The following TRPM3 variants were observed in gnomAD, a reference collection of about 807,000 sequenced individuals.
TRPM3 encodes the protein long transient receptor potential channel 3.
Under a neutral mutation model 181.2 loss-of-function variants are expected in TRPM3, and 77 were observed. That is an observed-to-expected ratio of 0.42 (90% CI 0.35 to 0.51). TRPM3 has a LOEUF of 0.51. TRPM3 is among the 20% of genes least tolerant of loss of function. The pLI, the probability that TRPM3 is intolerant of heterozygous loss-of-function variation, is 0.01. For missense variants in TRPM3, 1,759 were observed against 2,196.7 expected, an observed-to-expected ratio of 0.80 and a Z score of 3.98; for synonymous variants, 745 against 796.4, an observed-to-expected ratio of 0.94 and a Z score of 1.09.
intron 2 of TRPM3, among the ~76,000 whole-genome samples, chr9:70,863,322 C>T (rs2095566783): frequency 6.6e-6 from 1 of 152,112 alleles, no homozygotes; most frequent in Non-Finnish European, 1.5e-5. Context: ...TACCCATTTT[C>T]CTTTAGCTGT....
intron 1 of TRPM3, among the ~76,000 whole-genome samples, chr9:71,309,367 T>C (rs528879257): frequency 6.6e-6 from 1 of 152,328 alleles, no homozygotes; most frequent in Admixed American, 6.5e-5. Context: ...GCATGTCTAA[T>C]ATTTTTTCCA....
At chr9:71,273,850 T>G (rs1031196200) in intron 1 of TRPM3, among the ~76,000 whole-genome samples, 4 of 152,192 alleles carry the variant, frequency 2.6e-5, no homozygotes, top group Admixed American at 2.6e-4. Flanking sequence ...ATCTCCATAT[T>G]GGTAACTTCA....
At chr9:71,083,317 A>C (rs1024365769) in intron 1 of TRPM3, among the ~76,000 whole-genome samples, 4 of 152,122 alleles carry the variant, frequency 2.6e-5, no homozygotes, top group African/African-American at 9.7e-5. Context: ...ACAACATCAC[A>C]GTGGGAAAAT....
intron 1 of TRPM3, among the ~76,000 whole-genome samples, chr9:71,233,553 T>C (rs974366327): frequency 9.9e-5 from 15 of 152,186 alleles, no homozygotes; most frequent in Admixed American, 7.2e-4. Flanking sequence ...CATTATCTTA[T>C]ACAATATTCT....
intron 1 of TRPM3, among the ~76,000 whole-genome samples, chr9:71,216,228 T>C (rs1227593470): frequency 1.4e-5 from 2 of 145,580 alleles, no homozygotes; most frequent in Non-Finnish European, 3.0e-5. Context: ...TAAATAGGCT[T>C]CTAACTAATG....
intron 9 of TRPM3, among the ~76,000 whole-genome samples, chr9:70,651,361 C>G (rs1413783381): frequency 2.6e-5 from 4 of 151,974 alleles, no homozygotes; most frequent in Admixed American, 6.6e-5. Flanking sequence ...TTAAAAGGGC[C>G]CAGGATAGCA....
intron 1 of TRPM3, among the ~76,000 whole-genome samples, chr9:71,376,664 A>G (rs1320363611): frequency 6.6e-6 from 1 of 152,090 alleles, no homozygotes. Flanking sequence ...CAATACAGTC[A>G]TAATTCCTTT....
At chr9:70,691,501 A>G (rs1325897223) in intron 8 of TRPM3, among the ~76,000 whole-genome samples, 1 of 152,086 alleles carries the variant, frequency 6.6e-6, no homozygotes, top group African/African-American at 2.4e-5. Context: ...TCAACTCCAT[A>G]CTCTCCCAAG....
intron 1 of TRPM3, among the ~76,000 whole-genome samples, chr9:71,420,735 G>A (rs12378364): frequency 6.9e-4 from 39 of 56,616 alleles, no homozygotes; most frequent in African/African-American, 2.2e-3. Flanking sequence ...GAGAGAGAGA[G>A]AAAGAGAGAG....
chr9:71,003,270 T>C (rs1227352709), intron 1 of TRPM3, among the ~76,000 whole-genome samples: 1 of 152,066 alleles, frequency 6.6e-6, no homozygotes, highest in African/African-American at 2.4e-5. Context: ...TTTCCCCATT[T>C]TCTGTGTGCC....
chr9:71,213,323 C>T (rs571217831), intron 1 of TRPM3, among the ~76,000 whole-genome samples: 1 of 151,904 alleles, frequency 6.6e-6, no homozygotes, highest in Non-Finnish European at 1.5e-5. Flanking sequence ...ATTTTAAATA[C>T]CATCCCAGTT....
At chr9:70,574,101 C>A (rs1229498726) in intron 22 of TRPM3, among the ~76,000 whole-genome samples, 2 of 151,936 alleles carry the variant, frequency 1.3e-5, no homozygotes, top group Admixed American at 1.3e-4. Flanking sequence ...CGCACACACA[C>A]ACACACACAC....
chr9:70,660,173 G>A (rs1468249450), intron 9 of TRPM3, among the ~76,000 whole-genome samples: 1 of 152,062 alleles, frequency 6.6e-6, no homozygotes, highest in Non-Finnish European at 1.5e-5. Context: ...AAAGAAAAGG[G>A]GGAGTATGTC....
intron 1 of TRPM3, among the ~76,000 whole-genome samples, chr9:71,051,432 T>C (rs1316029565): frequency 1.3e-5 from 2 of 152,088 alleles, no homozygotes; most frequent in African/African-American, 2.4e-5. Flanking sequence ...CTGAGTCTCA[T>C]AGAGGTAGCC....
At position 71,119,540 on chromosome 9, in the gene TRPM3, T is replaced by TA. The variant is rs61066146; in HGVS notation, c.177+1637dup. Among the ~76,000 whole-genome samples the TA allele has an allele frequency of 6.2e-4, 94 of 151,632 alleles. 1 individual carries two copies. In the Middle Eastern group the frequency reaches 0.014, roughly 22 times the overall value. On this transcript the variant is annotated intron_variant, in intron 1 of 25. Transcript: ENST00000677713. ...TAGTAAATGAATAACATTCTCCATT[T>TA]AAAAAAAAACTAGCATATTAATTAA...
intron 6 of TRPM3, among the ~76,000 whole-genome samples, chr9:70,799,100 A>C (rs1172719291): frequency 6.6e-6 from 1 of 152,244 alleles, no homozygotes; most frequent in Non-Finnish European, 1.5e-5. Context: ...AGAAAACATT[A>C]ACAAAGGTTT....
In TRPM3 at chr9:70,784,247, T is replaced by C. The variant is rs747937585; in HGVS notation, c.1006A>G (p.Ile336Val). ...IGQGVPVVAL[I>V]VEGGPNVISI... ...ATCACATTGGGTCCTCCTTCCACTA[T>C]GAGTGCCACCACAGGAACACCTTGA... Residue 336 changes from isoleucine to valine, a missense_variant, in exon 7 of 26, where the codon ATA (isoleucine) becomes GTA (valine). Physicochemically the swap from Ile to Val is conservative, Grantham distance 29. Around this residue, in one of 8 missense-constraint regions of TRPM3, gnomAD observed 737 missense variants for 957.4 expected, o/e 0.77. Coordinates refer to ENST00000677713, the MANE Select transcript of TRPM3 (RefSeq NM_001366145.2). The C allele has an allele frequency of 1.2e-5, 20 of 1,612,328 alleles. No homozygotes were observed. Among genetic ancestry groups the C allele is most frequent in the Non-Finnish European group, 1.7e-5 (20 of 1,179,104 alleles).
chr9:71,001,593 T>A (rs1275370693), intron 1 of TRPM3, among the ~76,000 whole-genome samples: 1 of 152,102 alleles, frequency 6.6e-6, no homozygotes, highest in Non-Finnish European at 1.5e-5. Context: ...AACAGAGACA[T>A]TGTGAAAAAG....
chr9:71,046,648 A>G lies in TRPM3; in HGVS notation c.177+74530T>C, dbSNP rs2059474003. Among the ~76,000 whole-genome samples, 7 of 152,180 alleles carry G rather than the reference A, an allele frequency of 4.6e-5. No homozygotes were observed. In the South Asian group the frequency reaches 1.4e-3, roughly 32 times the overall value. On this transcript the variant is annotated intron_variant, in intron 1 of 25. Transcript: ENST00000677713. ...TCCTTCCCTATTGTCACTTATTGAG[A>G]TATTTTTTTCCTGGAGGAATCTTCT... is the stretch of plus-strand genomic sequence containing the variant.
Sources: gnomAD v4.1 joint callset for allele counts (sites outside exome capture counted in the v4.1 genomes callset) on GRCh38, gnomAD v4.1.1 for gene constraint, gnomAD v4.1.1 regional missense constraint, MANE v1.5 for transcripts, NCBI Gene and HGNC (gene_info 2026-07-23, HGNC 2026-07-21) for gene names.